Variants in ATP8A2 observed in about 807,000 individuals in gnomAD.
The protein encoded by ATP8A2 is ATPase phospholipid transporting 8A2, also known as phospholipid-transporting ATPase IB.
A neutral mutation model predicts 165.6 loss-of-function variants in ATP8A2; 100 were observed. The observed-to-expected ratio is 0.60, with a 90% CI of 0.51 to 0.71. The LOEUF (loss-of-function observed/expected upper bound fraction) is 0.71. Ranked by LOEUF, ATP8A2 falls within the 30% of genes least tolerant of loss-of-function variation. ATP8A2 has a pLI of 0.00. For missense variants in ATP8A2, 1,227 were observed against 1,479.5 expected, an observed-to-expected ratio of 0.83 and a Z score of 2.80; for synonymous variants, 543 against 548.8, an observed-to-expected ratio of 0.99 and a Z score of 0.15.
chr13:25,954,483 T>C (rs959901235), intron 33 of ATP8A2, among the ~76,000 whole-genome samples: 3 of 152,196 alleles, frequency 2.0e-5, no homozygotes, highest in Non-Finnish European at 4.4e-5. Flanking sequence ...GCAGCGGACC[T>C]CCCAGCAGAG....
intron 1 of ATP8A2, among the ~76,000 whole-genome samples, chr13:25,467,555 AG>A (rs1214984947): frequency 2.8e-5 from 4 of 143,822 alleles, no homozygotes; most frequent in African/African-American, 1.0e-4. Flanking sequence ...GTAAGATGTC[AG>A]TTTTTTTTTT....
intron 27 of ATP8A2, among the ~76,000 whole-genome samples, chr13:25,789,672 T>C (rs1593349343): frequency 6.6e-6 from 1 of 152,252 alleles, no homozygotes; most frequent in Non-Finnish European, 1.5e-5. Flanking sequence ...TTATAGATTC[T>C]ATGCTATTCC....
At chr13:25,621,999 C>T (rs12854931) in intron 24 of ATP8A2, among the ~76,000 whole-genome samples, 8,667 of 151,888 alleles carry the variant, frequency 0.057, 543 homozygotes, top group African/African-American at 0.14. Context: ...ATGGTGAAAC[C>T]CCATCTCTAC....
intron 28 of ATP8A2, among the ~76,000 whole-genome samples, chr13:25,830,183 A>G (rs934435438): frequency 2.0e-5 from 3 of 151,528 alleles, no homozygotes; most frequent in Non-Finnish European, 4.4e-5. Context: ...TAATTAAAAA[A>G]CATTTTTTTT....
At chr13:25,595,755 T>C (rs963647002) in intron 24 of ATP8A2, among the ~76,000 whole-genome samples, 1 of 152,148 alleles carries the variant, frequency 6.6e-6, no homozygotes, top group Non-Finnish European at 1.5e-5. Flanking sequence ...CAGAACCTGA[T>C]ATTAAAAGTA....
chr13:25,674,718 A>G (rs1045425696), intron 24 of ATP8A2, among the ~76,000 whole-genome samples: 18 of 152,192 alleles, frequency 1.2e-4, no homozygotes, highest in African/African-American at 3.4e-4. Context: ...GATCCTCAAC[A>G]GTACGTTTCC....
rs75447381 is a variant in ATP8A2 at position 25,571,658 on chromosome 13, C to T, written c.1628C>T (p.Thr543Ile). Reference sequence around the variant, plus strand: ...GCTAAAAAGCTGGGCTTTGTCTTCACAGCCAGAACACCATTCTCAGTCATC... The same window carrying T: ...GCTAAAAAGCTGGGCTTTGTCTTCATAGCCAGAACACCATTCTCAGTCATC... ...KGAKKLGFVF[T>I]ARTPFSVIIE... is the part of the protein sequence containing the mutation. The change falls in exon 18 of 37, where the codon ACA becomes ATA. Residue 543 changes from threonine to isoleucine, a missense_variant. Transcript: ENST00000381655. 3.7e-6 allele frequency: 6 copies of T among 1,614,050 alleles called. No individual in the cohort carries two copies. Among genetic ancestry groups the T allele is most frequent in the Admixed American group, 1.7e-5 (1 of 60,024 alleles).
intron 33 of ATP8A2, among the ~76,000 whole-genome samples, chr13:25,940,690 C>G (rs1490613091): frequency 6.6e-6 from 1 of 152,202 alleles, no homozygotes; most frequent in Non-Finnish European, 1.5e-5. Flanking sequence ...CCGTGTGCTC[C>G]TTTCCTCTGT....
chr13:25,614,431 A>C (rs890484924), intron 24 of ATP8A2, among the ~76,000 whole-genome samples: 5 of 152,050 alleles, frequency 3.3e-5, no homozygotes, highest in Non-Finnish European at 5.9e-5. Flanking sequence ...TAACATTTTC[A>C]AAATTTCTTT....
At chr13:26,017,156 C>A (rs994517193) in intron 36 of ATP8A2, among the ~76,000 whole-genome samples, 6 of 152,184 alleles carry the variant, frequency 3.9e-5, no homozygotes, top group African/African-American at 1.4e-4. Flanking sequence ...ATGTCCCATT[C>A]TTTGGGGTGA....
chr13:25,420,728 C>G (rs955654229), intron 1 of ATP8A2, among the ~76,000 whole-genome samples: 5 of 152,190 alleles, frequency 3.3e-5, no homozygotes, highest in African/African-American at 7.2e-5. Flanking sequence ...GTTCAATGCT[C>G]TCATTCGCAT....
intron 36 of ATP8A2, among the ~76,000 whole-genome samples, chr13:26,013,674 C>CAA (rs752985920): frequency 0.013 from 1,836 of 144,272 alleles, 25 homozygotes; most frequent in Middle Eastern, 0.028. Flanking sequence ...AACTTGGTCT[C>CAA]AAAAAAAAAA....
intron 23 of ATP8A2, 35 bp from the exon 24 acceptor site, chr13:25,589,598 AAG>A (rs761716591): frequency 6.5e-7 from 1 of 1,530,036 alleles, no homozygotes; most frequent in African/African-American, 1.4e-5. Context: ...CACAGAAGGA[AAG>A]AGAAATTCAC....
At chr13:25,965,777 T>C (rs1198955417) in intron 34 of ATP8A2, among the ~76,000 whole-genome samples, 1 of 152,156 alleles carries the variant, frequency 6.6e-6, no homozygotes, top group Non-Finnish European at 1.5e-5. Context: ...TTACTGTACA[T>C]CAACAATACA....
chr13:25,721,907 C>T (rs545178498), intron 25 of ATP8A2, among the ~76,000 whole-genome samples: 10 of 152,288 alleles, frequency 6.6e-5, no homozygotes, highest in East Asian at 1.9e-4. Flanking sequence ...GCTATGAACA[C>T]GCATGTACAA....
intron 33 of ATP8A2, among the ~76,000 whole-genome samples, chr13:25,936,383 A>G (rs769418284): frequency 2.6e-5 from 4 of 152,220 alleles, no homozygotes; most frequent in Non-Finnish European, 5.9e-5. Context: ...GAAGTCATTC[A>G]TTGTGGAGAC....
intron 2 of ATP8A2, among the ~76,000 whole-genome samples, chr13:25,478,834 T>G (rs148170464): frequency 2.0e-5 from 3 of 146,576 alleles, no homozygotes; most frequent in African/African-American, 7.6e-5. Flanking sequence ...AACTTTTTCA[T>G]TGGATGTCCC....
chr13:25,954,226 AAAC>A (rs1955460091), intron 33 of ATP8A2, among the ~76,000 whole-genome samples: 2 of 152,216 alleles, frequency 1.3e-5, no homozygotes, highest in African/African-American at 4.8e-5. Flanking sequence ...CTCACAGTGT[AAAC>A]AAAGCCACCA....
intron 33 of ATP8A2, among the ~76,000 whole-genome samples, chr13:25,945,467 A>G (rs574000663): frequency 9.2e-5 from 14 of 152,210 alleles, no homozygotes; most frequent in Non-Finnish European, 1.6e-4. Context: ...TAATTTCTGA[A>G]TTGGGTACTT....
Sources: allele counts gnomAD v4.1 joint callset (sites outside exome capture counted in the v4.1 genomes callset), GRCh38; gene constraint gnomAD v4.1.1; transcripts MANE v1.5; gene names NCBI Gene and HGNC (gene_info 2026-07-23, HGNC 2026-07-21).